MSRB3: variants seen among roughly 807,000 people sequenced by gnomAD.
MSRB3 encodes methionine-R-sulfoxide reductase B3.
A neutral mutation model predicts 21.0 loss-of-function variants in MSRB3; 13 were observed. The observed-to-expected ratio is 0.62, with a 90% CI of 0.40 to 0.98. The LOEUF is 0.98. MSRB3 is among the 50% of genes least tolerant of loss of function. The probability of loss-of-function intolerance (pLI) is 0.00; values close to 1 mark genes in which losing one functional copy is unlikely to be tolerated. For missense variants in MSRB3, 199 were observed against 230.3 expected, an observed-to-expected ratio of 0.86 and a Z score of 0.88; for synonymous variants, 87 against 88.6, an observed-to-expected ratio of 0.98 and a Z score of 0.10.
intron 5 of MSRB3, among the ~76,000 whole-genome samples, chr12:65,370,484 T>A (rs1017331266): frequency 1.3e-5 from 2 of 152,160 alleles, no homozygotes; most frequent in Non-Finnish European, 2.9e-5. Flanking sequence ...ATATAGCTTT[T>A]AAAAATGAAT....
At chr12:65,320,359 G>A (rs1220638684) in intron 2 of MSRB3, among the ~76,000 whole-genome samples, 2 of 152,108 alleles carry the variant, frequency 1.3e-5, no homozygotes, top group African/African-American at 2.4e-5. Context: ...TAAAAATTAA[G>A]AATGTTTTTT....
chr12:65,454,120 C>G, intron 6 of MSRB3: 1 of 596,500 alleles, frequency 1.7e-6, no homozygotes, highest in South Asian at 2.0e-5. Context: ...CTCGTCTCTA[C>G]AGAAAATATT....
At chr12:65,343,813 G>T (rs916787813) in intron 4 of MSRB3, among the ~76,000 whole-genome samples, 4 of 151,922 alleles carry the variant, frequency 2.6e-5, no homozygotes, top group African/African-American at 9.7e-5. Context: ...TCTTTTTGCT[G>T]AGTAATTCAC....
intron 5 of MSRB3, among the ~76,000 whole-genome samples, chr12:65,452,246 C>T (rs1882889227): frequency 6.6e-6 from 1 of 152,060 alleles, no homozygotes; most frequent in Admixed American, 6.6e-5. Context: ...GAGTTATGCC[C>T]TTGAAGGTTA....
At chr12:65,373,770 A>G (rs940895341) in intron 5 of MSRB3, among the ~76,000 whole-genome samples, 1 of 152,220 alleles carries the variant, frequency 6.6e-6, no homozygotes, top group South Asian at 2.1e-4. Context: ...GGAGATCCTA[A>G]AAGACATGAT....
chr12:65,455,045 A>G (rs1056822495), intron 6 of MSRB3, among the ~76,000 whole-genome samples: 3 of 152,228 alleles, frequency 2.0e-5, no homozygotes, highest in Non-Finnish European at 2.9e-5. Flanking sequence ...TCAGAGGTAC[A>G]GGAGCATGAT....
intron 5 of MSRB3, among the ~76,000 whole-genome samples, chr12:65,453,406 T>C (rs1238477678): frequency 6.6e-6 from 1 of 152,170 alleles, no homozygotes; most frequent in Admixed American, 6.6e-5. Flanking sequence ...TGAGTGACTC[T>C]GAAGACAAGA....
chr12:65,458,645 T>G (rs1404826847), intron 6 of MSRB3, among the ~76,000 whole-genome samples: 1 of 152,210 alleles, frequency 6.6e-6, no homozygotes, highest in Non-Finnish European at 1.5e-5. Context: ...CTGATTTCTG[T>G]TGCAATTTTA....
At chr12:65,384,098 A>G (rs1314969383) in intron 5 of MSRB3, among the ~76,000 whole-genome samples, 1 of 152,224 alleles carries the variant, frequency 6.6e-6, no homozygotes, top group Non-Finnish European at 1.5e-5. Flanking sequence ...CTATTTTGTA[A>G]CCAGTTTTAA....
At chr12:65,419,502 G>A in intron 5 of MSRB3, 2 of 740,976 alleles carry the variant, frequency 2.7e-6, no homozygotes, top group Non-Finnish European at 5.0e-6. Context: ...ACTGGCGCAT[G>A]GCCAGCTCTG....
chr12:65,400,110 G>A (rs570737610), intron 5 of MSRB3, among the ~76,000 whole-genome samples: 1 of 152,166 alleles, frequency 6.6e-6, no homozygotes, highest in South Asian at 2.1e-4. Context: ...GATGATGCTG[G>A]CCTCATAAAG....
chr12:65,342,704 G>T (rs1876224942), intron 4 of MSRB3, among the ~76,000 whole-genome samples: 1 of 151,900 alleles, frequency 6.6e-6, no homozygotes. Context: ...TATGATACAA[G>T]AAATAATTTC....
chr12:65,388,968 C>T (rs753199210), intron 5 of MSRB3, among the ~76,000 whole-genome samples: 7 of 152,208 alleles, frequency 4.6e-5, no homozygotes, highest in Non-Finnish European at 7.4e-5. Flanking sequence ...CTCTTTTCTT[C>T]TACCTTGTTT....
At chr12:65,319,848 C>G (rs542002184) in intron 2 of MSRB3, among the ~76,000 whole-genome samples, 1 of 152,244 alleles carries the variant, frequency 6.6e-6, no homozygotes, top group South Asian at 2.1e-4. Context: ...AGTAAATACA[C>G]TAATACTAAA....
intron 1 of MSRB3, among the ~76,000 whole-genome samples, chr12:65,299,024 G>T (rs1251571331): frequency 6.6e-6 from 1 of 151,966 alleles, no homozygotes; most frequent in Non-Finnish European, 1.5e-5. Context: ...ACCTGCACAT[G>T]GCTCTTGGTA....
chr12:65,300,649 A>T (rs1344869767), intron 1 of MSRB3, among the ~76,000 whole-genome samples: 1 of 152,218 alleles, frequency 6.6e-6, no homozygotes, highest in Non-Finnish European at 1.5e-5. Flanking sequence ...TTTCAATTGG[A>T]ACAAATAGCC....
chr12:65,341,432 A>C (rs1389826230), intron 4 of MSRB3, among the ~76,000 whole-genome samples: 3 of 151,950 alleles, frequency 2.0e-5, no homozygotes, highest in Non-Finnish European at 4.4e-5. Flanking sequence ...GGAAGGGAGG[A>C]TGGTTAACGG....
intron 1 of MSRB3, among the ~76,000 whole-genome samples, chr12:65,299,750 C>G (rs1481266450): frequency 6.6e-6 from 1 of 152,160 alleles, no homozygotes; most frequent in Non-Finnish European, 1.5e-5. Context: ...CACTGATACC[C>G]TGAGTCTTTC....
At chr12:65,369,389 TG>T (rs1435116180) in intron 5 of MSRB3, among the ~76,000 whole-genome samples, 3 of 152,164 alleles carry the variant, frequency 2.0e-5, no homozygotes, top group Non-Finnish European at 4.4e-5. Context: ...ATGTGGGAGA[TG>T]GATGCATTTA....
Sources: allele counts gnomAD v4.1 joint callset (sites outside exome capture counted in the v4.1 genomes callset), GRCh38; gene constraint gnomAD v4.1.1; transcripts MANE v1.5; gene names NCBI Gene and HGNC (gene_info 2026-07-23, HGNC 2026-07-21).